The following SOCS5 variants were observed in gnomAD, a reference collection of about 807,000 sequenced individuals.
SOCS5 encodes the protein suppressor of cytokine signaling 5, also known as CIS-6.
A neutral mutation model predicts 42.8 loss-of-function variants in SOCS5; 32 were observed. The ratio of observed to expected loss-of-function variants is 0.75; its 90% CI spans 0.56 to 1.01. The LOEUF (loss-of-function observed/expected upper bound fraction) is 1.01. Ranked by LOEUF, SOCS5 falls within the 50% of genes least tolerant of loss-of-function variation. The pLI, the probability that SOCS5 is intolerant of heterozygous loss-of-function variation, is 0.00. For missense variants in SOCS5, 627 were observed against 653.0 expected (o/e 0.96, Z 0.43); for synonymous variants, 283 against 229.6 (o/e 1.23, Z -2.10).
At chr2:46,752,338 C>G (rs1673641374) in intron 1 of SOCS5, among the ~76,000 whole-genome samples, 1 of 152,032 alleles carries the variant, frequency 6.6e-6, no homozygotes, top group Admixed American at 6.6e-5. Context: ...TAAGGTGGAA[C>G]AGTTTCATCC....
intron 1 of SOCS5, among the ~76,000 whole-genome samples, chr2:46,725,744 C>A (rs1375537964): frequency 1.3e-5 from 2 of 152,054 alleles, no homozygotes; most frequent in Non-Finnish European, 2.9e-5. Flanking sequence ...ATAGATAATA[C>A]ATTTTTTCCC....
intron 1 of SOCS5, among the ~76,000 whole-genome samples, chr2:46,705,273 T>G (rs1672436825): frequency 6.6e-6 from 1 of 152,148 alleles, no homozygotes; most frequent in South Asian, 2.1e-4. Flanking sequence ...TAATTGAGCT[T>G]GGGATTGGCA....
At chr2:46,755,580 T>A (rs926212946) in intron 1 of SOCS5, among the ~76,000 whole-genome samples, 2 of 152,196 alleles carry the variant, frequency 1.3e-5, no homozygotes, top group Non-Finnish European at 1.5e-5. Context: ...AAATTTGCTT[T>A]GGATAGTTTT....
At chr2:46,755,258 AC>A (rs1482136953) in intron 1 of SOCS5, among the ~76,000 whole-genome samples, 1 of 152,200 alleles carries the variant, frequency 6.6e-6, no homozygotes, top group Non-Finnish European at 1.5e-5. Flanking sequence ...AACATGTTAA[AC>A]TTAATTTATT....
Position 46,742,722 on chromosome 2 carries a change from A to G in SOCS5, c.-12-15797A>G, listed in dbSNP as rs569868281. On this transcript the variant is annotated intron_variant, in intron 1 of 1. Coordinates refer to ENST00000394861, the MANE Select transcript of SOCS5 (RefSeq NM_144949.3). ...GCTCTGTCACCCAGGCTGGAGTGCA[A>G]TGGCGCGATCTCGGCTCACTGCATC... Among the ~76,000 whole-genome samples the G allele has an allele frequency of 2.2e-3, 339 of 151,924 alleles. 2 individuals are homozygous for G. Among genetic ancestry groups the G allele is most frequent in the African/African-American group, 7.6e-3 (316 of 41,386 alleles).
intron 1 of SOCS5, among the ~76,000 whole-genome samples, chr2:46,732,810 C>A (rs982981909): frequency 6.6e-6 from 1 of 152,112 alleles, no homozygotes; most frequent in Admixed American, 6.5e-5. Context: ...TGTGTCCTTT[C>A]TTTGTTCCTA....
At position 46,722,915 on chromosome 2, in the gene SOCS5, G is replaced by A. The variant is rs147346799; in HGVS notation, c.-13+23466G>A. ...TTGGATTTCTCTAATGTCTAATAACGTTGAATATTTTTATGTACTCAGTTG... is the reference window on the plus strand; with the variant it reads ...TTGGATTTCTCTAATGTCTAATAACATTGAATATTTTTATGTACTCAGTTG... On this transcript the variant is annotated intron_variant, in intron 1 of 1. Coordinates refer to ENST00000394861, the MANE Select transcript of SOCS5 (RefSeq NM_144949.3). 3.0e-3 allele frequency among the ~76,000 whole-genome samples: 450 copies of A among 152,102 alleles called. 3 individuals carry two copies. Among genetic ancestry groups the A allele is most frequent in the African/African-American group, 0.011 (437 of 41,530 alleles).
intron 1 of SOCS5, among the ~76,000 whole-genome samples, chr2:46,701,469 A>G (rs1205471056): frequency 6.6e-6 from 1 of 152,200 alleles, no homozygotes; most frequent in Non-Finnish European, 1.5e-5. Flanking sequence ...TTAAATTGCT[A>G]TTTAATGGTG....
At chr2:46,727,166 T>G (rs1673016166) in intron 1 of SOCS5, among the ~76,000 whole-genome samples, 2 of 86,182 alleles carry the variant, frequency 2.3e-5, no homozygotes, top group Non-Finnish European at 5.0e-5. Context: ...TTTTTTTTTT[T>G]GAAACGGAGT....
At chr2:46,742,298 G>A (rs1673395283) in intron 1 of SOCS5, among the ~76,000 whole-genome samples, 1 of 151,900 alleles carries the variant, frequency 6.6e-6, no homozygotes, top group African/African-American at 2.4e-5. Context: ...TGCCTAGGCT[G>A]GACTTTGAGG....
intron 1 of SOCS5, among the ~76,000 whole-genome samples, chr2:46,748,080 G>A (rs886507764): frequency 1.3e-5 from 2 of 151,870 alleles, no homozygotes. Context: ...GTTTTCTTAC[G>A]TGATTAAAAG....
intron 1 of SOCS5, among the ~76,000 whole-genome samples, chr2:46,732,270 C>T (rs1158133323): frequency 6.6e-6 from 1 of 152,172 alleles, no homozygotes; most frequent in African/African-American, 2.4e-5. Context: ...TCCGAGAGCA[C>T]ACCACTGGAA....
chr2:46,732,751 C>G (rs1404823149), intron 1 of SOCS5, among the ~76,000 whole-genome samples: 1 of 152,144 alleles, frequency 6.6e-6, no homozygotes, highest in Non-Finnish European at 1.5e-5. Context: ...CTTTAATAGG[C>G]TTGACCCCTT....
chr2:46,725,281 G>T (rs759947756), intron 1 of SOCS5, among the ~76,000 whole-genome samples: 2 of 151,658 alleles, frequency 1.3e-5, no homozygotes, highest in Non-Finnish European at 2.9e-5. Flanking sequence ...CTTGTAGGTG[G>T]CATACAATTG....
chr2:46,704,048 C>T (rs1672405971), intron 1 of SOCS5, among the ~76,000 whole-genome samples: 1 of 152,050 alleles, frequency 6.6e-6, no homozygotes, highest in African/African-American at 2.4e-5. Flanking sequence ...TATAATATAG[C>T]AAGAATATAT....
intron 1 of SOCS5, among the ~76,000 whole-genome samples, chr2:46,736,591 T>A (rs891972214): frequency 6.6e-6 from 1 of 152,232 alleles, no homozygotes; most frequent in Non-Finnish European, 1.5e-5. Context: ...CTTTTATGAC[T>A]GGTTTATTCC....
In SOCS5 at chr2:46,762,572, TATA is replaced by T. The variant is rs1461806237; in HGVS notation, c.*2435_*2437del. On this transcript the variant is annotated 3_prime_UTR_variant, in exon 2 of 2. Transcript: ENST00000394861. ...TAAAAGTCACATGTTTCAGTTTGTG[TATA>T]ATATTAATATGCAATTTTTGGTTTA... 1 of 166,366 alleles carries T rather than the reference TATA, an allele frequency of 6.0e-6. No homozygotes were observed. The highest frequency in any genetic ancestry group is 1.5e-5 in the Non-Finnish European group (1 of 68,086). The allele number at this position is 166,366 out of a possible 1,614,324, so 10.3% of individuals were successfully genotyped here.
At position 46,699,688 on chromosome 2, in the gene SOCS5, C is replaced by G. The variant is rs1381148544; in HGVS notation, c.-13+239C>G. ...CCACGCCGCTCACAGTGGGAGCTTGCGCTTAGTAGGCTCTCGATGCATTTC... is the reference window on the plus strand; with the variant it reads ...CCACGCCGCTCACAGTGGGAGCTTGGGCTTAGTAGGCTCTCGATGCATTTC... On this transcript the variant is annotated intron_variant, in intron 1 of 1. Transcript: ENST00000394861. This position sits in a 1 kb window ranked among gnomAD's most constrained non-coding sequence, Gnocchi z 4.8. Among the ~76,000 whole-genome samples the G allele has an allele frequency of 2.0e-5, 3 of 152,152 alleles. No individual in the cohort carries two copies. Among genetic ancestry groups the G allele is most frequent in the Non-Finnish European group, 4.4e-5 (3 of 68,022 alleles).
rs756458628 is a variant in SOCS5 at position 46,759,089 on chromosome 2, T to G, written c.559T>G (p.Leu187Val). Residue 187 changes from leucine (L) to valine (V), a missense_variant, in exon 2 of 2, where the codon TTG becomes GTG. Leu to Val is a conservative substitution (Grantham distance 32, BLOSUM62 1). Around this residue, in one of 3 missense-constraint regions of SOCS5, gnomAD observed 278 missense variants for 246.3 expected, o/e 1.13. Coordinates refer to ENST00000394861, the MANE Select transcript of SOCS5 (RefSeq NM_144949.3). ...LRQRLQDTVG[L>V]CFPMRTYSKQ... ...ACAGAGGTTGCAGGATACTGTGGGC[T>G]TGTGTTTTCCCATGAGAACTTACAG... 6.2e-7 allele frequency: 1 copy of G among 1,614,006 alleles called. No individual in the cohort carries two copies. Among genetic ancestry groups the G allele is most frequent in the East Asian group, 2.2e-5 (1 of 44,880 alleles).
Sources: gnomAD v4.1 joint callset for allele counts (sites outside exome capture counted in the v4.1 genomes callset) on GRCh38, gnomAD v4.1.1 for gene constraint, gnomAD v4.1.1 regional missense constraint, Gnocchi (gnomAD v3.1) non-coding constraint, MANE v1.5 for transcripts, NCBI Gene and HGNC (gene_info 2026-07-23, HGNC 2026-07-21) for gene names.